Variants in NIBAN1 observed in about 807,000 individuals in gnomAD.
NIBAN1 encodes the protein protein Niban 1.
In NIBAN1, 81 loss-of-function variants were observed where a neutral mutation model predicts 75.1. The observed-to-expected ratio is 1.08, with a 90% CI of 0.90 to 1.30. The LOEUF is 1.30. NIBAN1 is among the 50% of genes most tolerant of loss of function. The pLI, the probability that NIBAN1 is intolerant of heterozygous loss-of-function variation, is 0.00. For synonymous variants in NIBAN1, 436 were observed against 424.8 expected, an observed-to-expected ratio of 1.03 and a Z score of -0.32; for missense variants, 1,133 against 1,128.1, an observed-to-expected ratio of 1.00 and a Z score of -0.06.
chr1:184,807,626 T>G (rs1654242271), intron 10 of NIBAN1, among the ~76,000 whole-genome samples: 1 of 152,078 alleles, frequency 6.6e-6, no homozygotes, highest in Non-Finnish European at 1.5e-5. Flanking sequence ...CCATCTCTAC[T>G]AAAAATACAA....
intron 1 of NIBAN1, among the ~76,000 whole-genome samples, chr1:184,904,655 C>T (rs1458790549): frequency 6.6e-6 from 1 of 152,194 alleles, no homozygotes; most frequent in East Asian, 1.9e-4. Context: ...CTCTCAACGA[C>T]ATTATAAAAG....
At chr1:184,942,980 G>T (rs1156624493) in intron 1 of NIBAN1, among the ~76,000 whole-genome samples, 1 of 152,176 alleles carries the variant, frequency 6.6e-6, no homozygotes, top group African/African-American at 2.4e-5. Context: ...CATCAGTGGC[G>T]GAATGAGAGC....
intron 6 of NIBAN1, among the ~76,000 whole-genome samples, chr1:184,823,991 T>C (rs1430320123): frequency 6.6e-6 from 1 of 152,194 alleles, no homozygotes; most frequent in Non-Finnish European, 1.5e-5. Context: ...GTTTTCCCAA[T>C]GTAAATAACA....
intron 5 of NIBAN1, among the ~76,000 whole-genome samples, chr1:184,873,095 A>C (rs895137500): frequency 2.0e-5 from 3 of 152,374 alleles, no homozygotes; most frequent in African/African-American, 7.2e-5. Flanking sequence ...GTGACAGGAA[A>C]ATAATTGCTG....
chr1:184,910,085 C>T (rs968434646), intron 1 of NIBAN1, among the ~76,000 whole-genome samples: 1 of 152,118 alleles, frequency 6.6e-6, no homozygotes, highest in African/African-American at 2.4e-5. Context: ...TCACCTAGCA[C>T]TTAATAAATG....
At chr1:184,928,628 T>A (rs542405349) in intron 1 of NIBAN1, among the ~76,000 whole-genome samples, 1 of 152,268 alleles carries the variant, frequency 6.6e-6, no homozygotes, top group South Asian at 2.1e-4. Flanking sequence ...TGAGTTCCAG[T>A]GCAAAGTTCC....
At chr1:184,882,061 C>G (rs1220287310) in intron 5 of NIBAN1, among the ~76,000 whole-genome samples, 1 of 152,120 alleles carries the variant, frequency 6.6e-6, no homozygotes, top group African/African-American at 2.4e-5. Context: ...AACAGAGAAG[C>G]ACGGTGGCCT....
rs541810918 is a variant in NIBAN1, at chr1:184,967,744, T to C, written c.55+6558A>G. ...CAACGTCCATAGTAAAAAGAAGTTT[T>C]TCATCAAGACCAGGGCTTGATTCAT... On this transcript the variant is annotated intron_variant, in intron 1 of 13. Transcript: ENST00000367511. 3.3e-5 allele frequency among the ~76,000 whole-genome samples: 5 copies of C among 152,332 alleles called. 1 individual carries two copies. Among genetic ancestry groups the C allele is most frequent in the African/African-American group, 1.2e-4 (5 of 41,576 alleles).
At chr1:184,910,802 CATCCA>C (rs1255261992) in intron 1 of NIBAN1, among the ~76,000 whole-genome samples, 1 of 152,116 alleles carries the variant, frequency 6.6e-6, no homozygotes, top group African/African-American at 2.4e-5. Flanking sequence ...GGGTGGCCCT[CATCCA>C]ATTAGTTGAA....
chr1:184,896,980 G>A (rs560398583), intron 2 of NIBAN1, among the ~76,000 whole-genome samples: 1 of 152,212 alleles, frequency 6.6e-6, no homozygotes, highest in Non-Finnish European at 1.5e-5. Flanking sequence ...GCAATGTGAT[G>A]TCTCCAGATT....
intron 8 of NIBAN1, among the ~76,000 whole-genome samples, chr1:184,819,377 C>A (rs546417476): frequency 6.0e-4 from 92 of 152,154 alleles, no homozygotes; most frequent in African/African-American, 2.1e-3. Flanking sequence ...CAAGACAAAA[C>A]AAAATCACAA....
chr1:184,895,907 A>T (rs940171346), intron 2 of NIBAN1, among the ~76,000 whole-genome samples: 4 of 151,962 alleles, frequency 2.6e-5, no homozygotes, highest in Non-Finnish European at 5.9e-5. Context: ...CTTTTTTATG[A>T]CTGTGTAGCA....
intron 5 of NIBAN1, among the ~76,000 whole-genome samples, chr1:184,835,302 C>T (rs1655108555): frequency 6.6e-6 from 1 of 152,134 alleles, no homozygotes; most frequent in South Asian, 2.1e-4. Context: ...GTTCTTTTTG[C>T]TTAGGATTGT....
intron 6 of NIBAN1, among the ~76,000 whole-genome samples, chr1:184,827,500 C>A (rs1309765641): frequency 3.3e-5 from 5 of 150,614 alleles, no homozygotes; most frequent in Admixed American, 6.6e-5. Context: ...AATTCCCTAG[C>A]CTCTTCCCCT....
chr1:184,894,402 A>C (rs1460396778), intron 2 of NIBAN1, among the ~76,000 whole-genome samples, 196 bp from the exon 3 acceptor site: 1 of 152,076 alleles, frequency 6.6e-6, no homozygotes, highest in African/African-American at 2.4e-5. Context: ...TATTTGTCTT[A>C]TTGGTATTTT....
intron 10 of NIBAN1, among the ~76,000 whole-genome samples, chr1:184,806,385 T>C (rs1485625695): frequency 3.3e-5 from 5 of 152,198 alleles, no homozygotes; most frequent in Non-Finnish European, 7.3e-5. Context: ...CAACTAGTTT[T>C]TGGTGGCACC....
intron 10 of NIBAN1, 115 bp downstream of exon 10, chr1:184,807,959 A>C: frequency 8.2e-7 from 1 of 1,223,476 alleles, no homozygotes; most frequent in Non-Finnish European, 1.2e-6. Flanking sequence ...CATGATGGCT[A>C]AAGAGACGCG....
At chr1:184,934,196 T>C (rs1007098251) in intron 1 of NIBAN1, among the ~76,000 whole-genome samples, 2 of 152,232 alleles carry the variant, frequency 1.3e-5, no homozygotes, top group Non-Finnish European at 2.9e-5. Flanking sequence ...GAAGCCATTA[T>C]CCTAAGCGAA....
intron 5 of NIBAN1, 105 bp from the exon 6 acceptor site, chr1:184,832,067 A>G (rs1437956660): frequency 2.5e-6 from 2 of 794,206 alleles, no homozygotes; most frequent in Admixed American, 4.5e-5. Flanking sequence ...TGAAAATGAC[A>G]AGGCATGGGA....
Sources: gnomAD v4.1 joint callset for allele counts (sites outside exome capture counted in the v4.1 genomes callset) on GRCh38, gnomAD v4.1.1 for gene constraint, MANE v1.5 for transcripts, NCBI Gene and HGNC (gene_info 2026-07-23, HGNC 2026-07-21) for gene names.